The following SLCO6A1 variants were observed in gnomAD, a reference collection of about 807,000 sequenced individuals.
The protein encoded by SLCO6A1 is solute carrier organic anion transporter family member 6A1, also known as cancer/testis antigen 48.
Under a neutral mutation model 72.7 loss-of-function variants are expected in SLCO6A1, and 65 were observed. The observed-to-expected ratio is 0.89, with a 90% CI of 0.73 to 1.10. The LOEUF (loss-of-function observed/expected upper bound fraction) is 1.10, where lower values mean the gene tolerates loss of function less well. Ranked by LOEUF, SLCO6A1 falls within the 50% of genes least tolerant of loss-of-function variation. The pLI is 0.00. For synonymous variants in SLCO6A1, 314 were observed against 298.2 expected (o/e 1.05, Z -0.55); for missense variants, 874 against 872.6 (o/e 1.00, Z -0.02).
intron 3 of SLCO6A1, 135 bp downstream of exon 3, chr5:102,477,540 GT>G: frequency 1.5e-6 from 1 of 662,620 alleles, no homozygotes; most frequent in Non-Finnish European, 2.4e-6. Flanking sequence ...TGATTTGGAG[GT>G]TTAGCATACC....
chr5:102,459,312 TCTGGAGG>T (rs773742792), intron 5 of SLCO6A1, among the ~76,000 whole-genome samples: 13 of 152,090 alleles, frequency 8.5e-5, no homozygotes, highest in African/African-American at 1.4e-4. Flanking sequence ...CCAATTCTAC[TCTGGAGG>T]TGAGGCAGGA....
In SLCO6A1 at chr5:102,399,085, T is replaced by C. The variant is rs186638513; in HGVS notation, c.1814+470A>G. The stretch of plus-strand genomic sequence containing the variant: ...ATATTTAGGAAGAACGCATAAATAA[T>C]AAATGTTGGTTTTGTTTAGAATAAT... On this transcript the variant is annotated intron_variant, in intron 10 of 13. Coordinates refer to ENST00000506729, the MANE Select transcript of SLCO6A1 (RefSeq NM_173488.5). 3.5e-4 allele frequency among the ~76,000 whole-genome samples: 54 copies of C among 152,186 alleles called. 1 individual carries two copies. The East Asian group carries it at 8.1e-3, about 23-fold the overall frequency.
At chr5:102,445,748 A>G (rs1042181567) in intron 6 of SLCO6A1, among the ~76,000 whole-genome samples, 1 of 152,176 alleles carries the variant, frequency 6.6e-6, no homozygotes, top group African/African-American at 2.4e-5. Context: ...ATTTTTGTAT[A>G]TGGTGAAAGG....
chr5:102,457,149 C>G (rs1473279414), intron 6 of SLCO6A1, among the ~76,000 whole-genome samples: 2 of 152,134 alleles, frequency 1.3e-5, no homozygotes, highest in African/African-American at 2.4e-5. Flanking sequence ...CATAAAAACC[C>G]TAGAAGAAAA....
chr5:102,483,677 C>T (rs762809985), intron 1 of SLCO6A1, among the ~76,000 whole-genome samples: 1 of 152,146 alleles, frequency 6.6e-6, no homozygotes, highest in African/African-American at 2.4e-5. Context: ...AATTAGCATT[C>T]CTTTAACTCA....
chr5:102,498,406 C>T, intron 1 of SLCO6A1, 81 bp downstream of exon 1: 1 of 1,383,096 alleles, frequency 7.2e-7, no homozygotes, highest in Non-Finnish European at 9.9e-7. Context: ...CCAGGGCGTC[C>T]TCCGCCATAC....
intron 10 of SLCO6A1, among the ~76,000 whole-genome samples, chr5:102,394,127 G>C (rs1278468820): frequency 6.6e-6 from 1 of 152,050 alleles, no homozygotes; most frequent in African/African-American, 2.4e-5. Flanking sequence ...GCTCTCTCCG[G>C]AATTTTGATC....
intron 7 of SLCO6A1, among the ~76,000 whole-genome samples, chr5:102,431,190 A>G (rs908787455): frequency 6.8e-6 from 1 of 147,356 alleles, no homozygotes; most frequent in Admixed American, 6.7e-5. Flanking sequence ...TCTCTTATTA[A>G]TTTTTCAAAA....
At chr5:102,383,265 ATC>A (rs1253221029) in intron 12 of SLCO6A1, among the ~76,000 whole-genome samples, 1 of 151,300 alleles carries the variant, frequency 6.6e-6, no homozygotes, top group African/African-American at 2.4e-5. Context: ...GCAGATAGAC[ATC>A]TCTGTCTTTT....
At chr5:102,467,862 C>T (rs1050344919) in intron 4 of SLCO6A1, among the ~76,000 whole-genome samples, 2 of 151,684 alleles carry the variant, frequency 1.3e-5, no homozygotes, top group East Asian at 1.9e-4. Flanking sequence ...TATTTCTTTC[C>T]TTCTGCTGGT....
intron 6 of SLCO6A1, 63 bp downstream of exon 6, chr5:102,458,319 C>A (rs2112754827): frequency 8.1e-7 from 1 of 1,236,140 alleles, no homozygotes; most frequent in Non-Finnish European, 1.2e-6. Context: ...TTCATAAGTT[C>A]ATTATTAGAA....
At chr5:102,410,462 A>C (rs1219804318) in intron 9 of SLCO6A1, among the ~76,000 whole-genome samples, 2 of 152,188 alleles carry the variant, frequency 1.3e-5, no homozygotes, top group African/African-American at 4.8e-5. Context: ...TCTCCCATTC[A>C]CGAAGACTAG....
chr5:102,463,896 G>GAAA (rs397697671), intron 4 of SLCO6A1, among the ~76,000 whole-genome samples: 26 of 137,066 alleles, frequency 1.9e-4, no homozygotes, highest in African/African-American at 5.3e-4. Flanking sequence ...CAAAAAAGAA[G>GAAA]AAAAAAAAAA....
At chr5:102,392,863 T>C (rs1561423623) in intron 10 of SLCO6A1, among the ~76,000 whole-genome samples, 1 of 152,120 alleles carries the variant, frequency 6.6e-6, no homozygotes, top group Non-Finnish European at 1.5e-5. Context: ...ATCTTTCTTA[T>C]AAGACATCGG....
rs985446452 is a variant in SLCO6A1, at chr5:102,468,644, T to C, written c.899+7053A>G. Among the ~76,000 whole-genome samples, 3 of 152,098 alleles carry C rather than the reference T, an allele frequency of 2.0e-5. No homozygotes were observed. In the South Asian group the frequency reaches 6.2e-4, roughly 32 times the overall value. ...AAGTCTGTTTTGTCTGATATAAGAA[T>C]AGCTACTCCTGCTCACTTTTAGTTA... On this transcript the variant is annotated intron_variant, in intron 4 of 13. Transcript: ENST00000506729.
chr5:102,487,690 G>T (rs1752503994), intron 1 of SLCO6A1, among the ~76,000 whole-genome samples: 1 of 152,116 alleles, frequency 6.6e-6, no homozygotes, highest in African/African-American at 2.4e-5. Flanking sequence ...TCAAATACTT[G>T]CCCAACCACT....
intron 12 of SLCO6A1, among the ~76,000 whole-genome samples, chr5:102,378,035 C>A (rs1389344812): frequency 6.7e-6 from 1 of 150,024 alleles, no homozygotes; most frequent in Non-Finnish European, 1.5e-5. Context: ...TATTTATTTT[C>A]TTTTAATAAA....
intron 7 of SLCO6A1, among the ~76,000 whole-genome samples, chr5:102,428,913 C>T (rs546293493): frequency 6.6e-6 from 1 of 152,340 alleles, no homozygotes; most frequent in South Asian, 2.1e-4. Context: ...ACACTCCCAC[C>T]AGCAGTGTAT....
intron 7 of SLCO6A1, among the ~76,000 whole-genome samples, chr5:102,420,744 C>A (rs1208932055): frequency 2.6e-5 from 4 of 151,676 alleles, no homozygotes; most frequent in Non-Finnish European, 4.4e-5. Context: ...TAAAAAACAA[C>A]AAAAAAAATC....
Sources: gnomAD v4.1 joint callset for allele counts (sites outside exome capture counted in the v4.1 genomes callset) on GRCh38, gnomAD v4.1.1 for gene constraint, MANE v1.5 for transcripts, NCBI Gene and HGNC (gene_info 2026-07-23, HGNC 2026-07-21) for gene names.